Variants in HOXB3 observed in about 807,000 individuals in gnomAD.
The protein encoded by HOXB3 is homeobox protein Hox-B3.
HOXB3 carries 17 observed loss-of-function variants against 29.2 expected under a neutral mutation model. The observed-to-expected ratio is 0.58, with a 90% confidence interval of 0.40 to 0.87. The LOEUF (loss-of-function observed/expected upper bound fraction) is 0.87. Among genes scored for constraint, HOXB3 ranks in the 40% least tolerant of loss-of-function variants. HOXB3 has a pLI of 0.00. For missense variants in HOXB3, 637 were observed against 616.3 expected (o/e 1.03, Z -0.35); for synonymous variants, 317 against 285.9 (o/e 1.11, Z -1.10).
rs1351449292 is a variant in HOXB3, at chr17:48,554,781, C to G, written c.-159+750G>C. 4.3e-6 allele frequency: 3 copies of G among 702,368 alleles called. No homozygotes were observed. The highest frequency in any genetic ancestry group is 7.8e-6 in the Non-Finnish European group (3 of 384,834). 43.5% of individuals were successfully genotyped at this position (702,368 alleles called of 1,614,324 possible). The stretch of plus-strand genomic sequence containing the variant: ...TGGAGGTAACCGAATTAAAAGGCGC[C>G]TTAGAAACTCCGCTTCGGGACTTTG... On this transcript the variant is annotated intron_variant, in intron 3 of 4. Coordinates refer to ENST00000498678, the MANE Select transcript of HOXB3 (RefSeq NM_001384749.1). The surrounding 1 kb of genome is among the most constrained non-coding windows in gnomAD (Gnocchi z 4.1).
chr17:48,582,075 G>T (rs954796077), intron 1 of HOXB3: 3 of 152,326 alleles, frequency 2.0e-5, no homozygotes, highest in African/African-American at 7.2e-5. Context: ...GCAGCCACAG[G>T]TTGCTAGCGT....
chr17:48,582,533 C>T (rs1418716341), intron 1 of HOXB3: 3 of 152,178 alleles, frequency 2.0e-5, no homozygotes, highest in Non-Finnish European at 4.4e-5. Flanking sequence ...AGGCGCGTCA[C>T]GAGGCTCTCA....
intron 1 of HOXB3, among the ~76,000 whole-genome samples, chr17:48,588,220 T>TG (rs2144922845): frequency 6.6e-6 from 1 of 152,262 alleles, no homozygotes; most frequent in African/African-American, 2.4e-5. Context: ...GAGCCTGAAG[T>TG]GGAGAAGAGG....
intron 1 of HOXB3, chr17:48,578,560 C>G: frequency 2.1e-6 from 1 of 466,614 alleles, no homozygotes; most frequent in East Asian, 4.6e-5. Context: ...CACCCACCCA[C>G]CCAACACCAG....
At chr17:48,555,485 A>ACTCTC (rs1567949439) in intron 3 of HOXB3, 46 bp downstream of exon 3, 3 of 702,042 alleles carry the variant, frequency 4.3e-6, no homozygotes, top group South Asian at 3.0e-5. Context: ...ATTGAGACAT[A>ACTCTC]CTCTCCGCCA....
chr17:48,562,327 C>A (rs552911156), intron 2 of HOXB3, among the ~76,000 whole-genome samples: 15 of 152,108 alleles, frequency 9.9e-5, no homozygotes, highest in Non-Finnish European at 1.6e-4. Context: ...GTTGCCTCCC[C>A]CTCAGTTGGA....
intron 2 of HOXB3, among the ~76,000 whole-genome samples, chr17:48,569,169 A>T (rs962514149): frequency 1.3e-5 from 2 of 151,576 alleles, no homozygotes; most frequent in African/African-American, 4.9e-5. Context: ...ACGAATACAT[A>T]TCTATTCTGC....
intron 1 of HOXB3, chr17:48,575,939 C>G (rs1327535287): frequency 6.6e-6 from 1 of 152,338 alleles, no homozygotes; most frequent in African/African-American, 2.4e-5. Flanking sequence ...TCCCGGGTCT[C>G]TGAGTCTCTC....
intron 1 of HOXB3, among the ~76,000 whole-genome samples, chr17:48,582,991 A>C (rs1478584344): frequency 6.6e-6 from 1 of 152,168 alleles, no homozygotes; most frequent in African/African-American, 2.4e-5. Context: ...CCCTTCCCTG[A>C]ACCTTACCCC....
chr17:48,553,553 A>C (rs537893837), intron 3 of HOXB3: 5 of 152,108 alleles, frequency 3.3e-5, no homozygotes, highest in Admixed American at 3.3e-4. Context: ...AAGAAGTTAC[A>C]ACTGCTAGAC....
intron 1 of HOXB3, chr17:48,577,786 C>G (rs531321233): frequency 4.8e-6 from 6 of 1,262,452 alleles, no homozygotes; most frequent in Admixed American, 3.5e-5. Context: ...CTCAACCCCC[C>G]CCCAACCCAT....
Position 48,550,592 on chromosome 17 carries a change from C to A in HOXB3, c.1038G>T (p.Met346Ile). 2 of 1,524,400 alleles carry A rather than the reference C, an allele frequency of 1.3e-6. No individual in the cohort carries two copies. The highest frequency in any genetic ancestry group is 1.7e-6 in the Non-Finnish European group (2 of 1,142,990). The allele number at this position is 1,524,400 out of a possible 1,614,324, so 94.4% of individuals were successfully genotyped here. The stretch of plus-strand genomic sequence containing the variant: ...CGCCCACGTACACCGGACTGCCCTG[C>A]ATGGTGGGCGTCCCGTAGGCGCCCC... ...ANGGAYGTPT[M>I]QGSPVYVGGG... is the part of the protein sequence containing the mutation. Residue 346 changes from methionine to isoleucine, a missense_variant, in exon 5 of 5, where the codon ATG (methionine) becomes ATT (isoleucine). Met to Ile is a conservative substitution (Grantham distance 10). Coordinates refer to ENST00000498678, the MANE Select transcript of HOXB3 (RefSeq NM_001384749.1).
intron 2 of HOXB3, among the ~76,000 whole-genome samples, chr17:48,569,899 T>C (rs2069526477): frequency 6.6e-6 from 1 of 152,106 alleles, no homozygotes. Flanking sequence ...CTATAGGAAA[T>C]CAAATGCGAC....
chr17:48,586,500 C>T (rs548977865), intron 1 of HOXB3, among the ~76,000 whole-genome samples: 12 of 152,292 alleles, frequency 7.9e-5, no homozygotes, highest in African/African-American at 2.9e-4. Flanking sequence ...GGCTCGGAGC[C>T]CCACGTAGGC....
chr17:48,565,706 T>C (rs186443810), intron 2 of HOXB3, among the ~76,000 whole-genome samples: 1 of 152,352 alleles, frequency 6.6e-6, no homozygotes, highest in East Asian at 1.9e-4. Context: ...AGAAATTCTC[T>C]TCTAGAGAGA....
intron 2 of HOXB3, among the ~76,000 whole-genome samples, chr17:48,568,372 C>T (rs1418099767): frequency 6.6e-6 from 1 of 152,204 alleles, no homozygotes; most frequent in Non-Finnish European, 1.5e-5. Context: ...GAAAATCTCG[C>T]TTTAATTGAT....
chr17:48,564,748 G>A (rs1334187662), intron 2 of HOXB3, among the ~76,000 whole-genome samples: 2 of 152,356 alleles, frequency 1.3e-5, no homozygotes, highest in South Asian at 4.1e-4. Context: ...TGTCCGACCC[G>A]GCAGAGAAGG....
chr17:48,571,041 C>T (rs577686332), intron 2 of HOXB3, among the ~76,000 whole-genome samples: 1 of 152,266 alleles, frequency 6.6e-6, no homozygotes, highest in South Asian at 2.1e-4. Flanking sequence ...AAAAGAACAG[C>T]AAAATGACAC....
chr17:48,559,814 T>A (rs1272204469), intron 2 of HOXB3: 1 of 152,228 alleles, frequency 6.6e-6, no homozygotes, highest in Non-Finnish European at 1.5e-5. Context: ...CAAGCTGTAC[T>A]TTTTCCCCAC....
Sources: allele counts gnomAD v4.1 joint callset (sites outside exome capture counted in the v4.1 genomes callset), GRCh38; gene constraint gnomAD v4.1.1; non-coding constraint Gnocchi (gnomAD v3.1); transcripts MANE v1.5; gene names NCBI Gene and HGNC (gene_info 2026-07-23, HGNC 2026-07-21).